The following NCAM1 variants were observed in gnomAD, a reference collection of about 807,000 sequenced individuals.
NCAM1 encodes neural cell adhesion molecule 1, also known as antigen recognized by monoclonal antibody 5.1H11.
Under a neutral mutation model 109.8 loss-of-function variants are expected in NCAM1, and 14 were observed. That is an observed-to-expected ratio of 0.13 (90% CI 0.08 to 0.20). NCAM1 has a LOEUF of 0.20. NCAM1 is among the 10% of genes least tolerant of loss of function. NCAM1 has a pLI of 1.00. For missense variants in NCAM1, 774 were observed against 1,109.9 expected (o/e 0.70, Z 4.30); for synonymous variants, 418 against 442.9 (o/e 0.94, Z 0.70).
chr11:113,193,200 A>G (rs1406457743), intron 1 of NCAM1, among the ~76,000 whole-genome samples: 1 of 152,212 alleles, frequency 6.6e-6, no homozygotes, highest in African/African-American at 2.4e-5. Flanking sequence ...TTAAAACTAG[A>G]AAACAAACAA....
At chr11:113,032,286 T>C (rs1345319422) in intron 1 of NCAM1, among the ~76,000 whole-genome samples, 2 of 152,136 alleles carry the variant, frequency 1.3e-5, no homozygotes, top group African/African-American at 2.4e-5. Flanking sequence ...TTTTGGACTT[T>C]CTTTGTTCAG....
chr11:113,128,385 G>A (rs1461501458), intron 1 of NCAM1, among the ~76,000 whole-genome samples: 1 of 152,182 alleles, frequency 6.6e-6, no homozygotes, highest in Non-Finnish European at 1.5e-5. Flanking sequence ...GTGCACTCAG[G>A]TATTAGAAAG....
chr11:113,111,814 C>T (rs1462203379), intron 1 of NCAM1, among the ~76,000 whole-genome samples: 2 of 152,058 alleles, frequency 1.3e-5, no homozygotes, highest in Non-Finnish European at 2.9e-5. Flanking sequence ...TATTTTTTCA[C>T]TCAAAAATGT....
At chr11:113,094,116 C>T (rs1181601835) in intron 1 of NCAM1, among the ~76,000 whole-genome samples, 1 of 152,160 alleles carries the variant, frequency 6.6e-6, no homozygotes, top group Admixed American at 6.5e-5. Context: ...GTTAAGACGG[C>T]AGCTGCAAAA....
At chr11:113,019,154 GC>G (rs1261813906) in intron 1 of NCAM1, among the ~76,000 whole-genome samples, 1 of 151,962 alleles carries the variant, frequency 6.6e-6, no homozygotes, top group Non-Finnish European at 1.5e-5. Flanking sequence ...ACACCTCTGC[GC>G]CATTCGATAG....
rs182060276 is a variant in NCAM1, at chr11:113,068,101, C to T, written c.52+106437C>T. Reference sequence around the variant, plus strand: ...AATTTTTTCATATTTTCAGTAGAGACGGGGTTTCACCGTGTTAGCCAGGAT... The same window carrying T: ...AATTTTTTCATATTTTCAGTAGAGATGGGGTTTCACCGTGTTAGCCAGGAT... On this transcript the variant is annotated intron_variant, in intron 1 of 19. Transcript: ENST00000316851. Among the ~76,000 whole-genome samples the T allele has an allele frequency of 4.2e-3, 646 of 152,040 alleles. 4 individuals are homozygous for T. The highest frequency in any genetic ancestry group is 6.9e-3 in the Non-Finnish European group (471 of 67,950).
intron 1 of NCAM1, among the ~76,000 whole-genome samples, chr11:112,995,903 T>C (rs1951582007): frequency 6.6e-6 from 1 of 152,170 alleles, no homozygotes; most frequent in African/African-American, 2.4e-5. Context: ...CCTGACTGGA[T>C]GGGAGTGTGG....
At chr11:113,035,834 G>A (rs1952860049) in intron 1 of NCAM1, among the ~76,000 whole-genome samples, 1 of 152,064 alleles carries the variant, frequency 6.6e-6, no homozygotes, top group Non-Finnish European at 1.5e-5. Flanking sequence ...CAAGACAGAG[G>A]CATGTCAGGA....
intron 1 of NCAM1, among the ~76,000 whole-genome samples, chr11:113,039,315 A>C (rs1231743229): frequency 6.6e-6 from 1 of 152,184 alleles, no homozygotes; most frequent in African/African-American, 2.4e-5. Flanking sequence ...CAGGAAACTT[A>C]CTGGACGTGA....
At chr11:112,979,234 A>AAAC (rs1555068224) in intron 1 of NCAM1, among the ~76,000 whole-genome samples, 6 of 151,552 alleles carry the variant, frequency 4.0e-5, no homozygotes, top group Admixed American at 2.6e-4. Flanking sequence ...AAAAGAAAAA[A>AAAC]AAACAAACAA....
At chr11:113,243,058 A>T in intron 14 of NCAM1, 5 of 849,688 alleles carry the variant, frequency 5.9e-6, no homozygotes, top group East Asian at 1.2e-4. Flanking sequence ...GGGGTTGATT[A>T]TTGGAAGAAT....
intron 9 of NCAM1, among the ~76,000 whole-genome samples, chr11:113,228,334 T>C (rs1555116605): frequency 6.6e-6 from 1 of 152,184 alleles, no homozygotes; most frequent in African/African-American, 2.4e-5. Flanking sequence ...CCATTCACAA[T>C]TGCTTCAAAG....
At chr11:113,185,084 A>ATATATATATATAT (rs1565485449) in intron 1 of NCAM1, among the ~76,000 whole-genome samples, 67 of 130,388 alleles carry the variant, frequency 5.1e-4, no homozygotes, top group Middle Eastern at 3.6e-3. Context: ...ATATATAGAG[A>ATATATATATATAT]GAGAGAGAGA....
Position 113,204,445 on chromosome 11 carries a change from G to A in NCAM1, c.287G>A (p.Cys96Tyr). 1 of 1,614,018 alleles carries A rather than the reference G, an allele frequency of 6.2e-7. No individual in the cohort carries two copies. Among genetic ancestry groups the A allele is most frequent in the Non-Finnish European group, 8.5e-7 (1 of 1,179,900 alleles). ...ANIDDAGIYKCVVTGEDGSES... is the reference protein window; with the variant it reads ...ANIDDAGIYKYVVTGEDGSES... ...ATCGACGACGCCGGCATTTACAAGT[G>A]TGTGGTTACAGGCGAGGATGGCAGT... The change falls in exon 3 of 20, where the codon TGT becomes TAT. Residue 96 changes from cysteine (C) to tyrosine (Y), a missense_variant. Coordinates refer to ENST00000316851, the MANE Select transcript of NCAM1 (RefSeq NM_181351.5).
intron 1 of NCAM1, among the ~76,000 whole-genome samples, chr11:113,074,463 T>C (rs948788120): frequency 1.3e-5 from 2 of 152,154 alleles, no homozygotes; most frequent in Non-Finnish European, 2.9e-5. Flanking sequence ...TTGGGTCTCA[T>C]GGTGAAAAAA....
chr11:113,168,115 G>A (rs1258960879), intron 1 of NCAM1, among the ~76,000 whole-genome samples: 6 of 152,154 alleles, frequency 3.9e-5, no homozygotes, highest in Admixed American at 1.3e-4. Context: ...GGCCTCTTCC[G>A]GGTTAGGCTG....
chr11:113,199,047 G>A (rs1214726619), intron 1 of NCAM1, among the ~76,000 whole-genome samples: 1 of 152,192 alleles, frequency 6.6e-6, no homozygotes, highest in Non-Finnish European at 1.5e-5. Flanking sequence ...AGCGCCTCTT[G>A]TCCCTGCCCC....
intron 1 of NCAM1, among the ~76,000 whole-genome samples, chr11:113,081,351 C>G (rs921838308): frequency 6.6e-6 from 1 of 152,184 alleles, no homozygotes. Context: ...GCGGACGGTT[C>G]CCCGGTGCTT....
chr11:113,082,454 A>T (rs539300493), intron 1 of NCAM1, among the ~76,000 whole-genome samples: 1 of 152,366 alleles, frequency 6.6e-6, no homozygotes, highest in African/African-American at 2.4e-5. Flanking sequence ...TTTTTGTCGT[A>T]TCACCATAGA....
Sources: gnomAD v4.1 joint callset for allele counts (sites outside exome capture counted in the v4.1 genomes callset) on GRCh38, gnomAD v4.1.1 for gene constraint, MANE v1.5 for transcripts, NCBI Gene and HGNC (gene_info 2026-07-23, HGNC 2026-07-21) for gene names.